GAREM1: variants seen among roughly 807,000 people sequenced by gnomAD.
GAREM1 encodes the protein GRB2-associated and regulator of MAPK protein 1.
A neutral mutation model predicts 71.3 loss-of-function variants in GAREM1; 26 were observed. The ratio of observed to expected loss-of-function variants is 0.36; its 90% CI spans 0.27 to 0.51. The LOEUF (loss-of-function observed/expected upper bound fraction) is 0.51, where lower values mean the gene tolerates loss of function less well. Ranked by LOEUF, GAREM1 falls within the 20% of genes least tolerant of loss-of-function variation. GAREM1 has a pLI of 0.95. For synonymous variants in GAREM1, 440 were observed against 433.2 expected, an observed-to-expected ratio of 1.02 and a Z score of -0.20; for missense variants, 1,026 against 1,103.1, an observed-to-expected ratio of 0.93 and a Z score of 0.99.
intron 1 of GAREM1, among the ~76,000 whole-genome samples, chr18:32,441,135 A>G (rs1161871905): frequency 6.6e-6 from 1 of 152,224 alleles, no homozygotes; most frequent in Non-Finnish European, 1.5e-5. Context: ...TCTAGTTCCT[A>G]TGTTTTGAGA....
intron 2 of GAREM1, among the ~76,000 whole-genome samples, chr18:32,364,010 A>G (rs1327402098): frequency 8.8e-4 from 42 of 47,956 alleles, no homozygotes; most frequent in Non-Finnish European, 1.1e-3. Flanking sequence ...ATATATATAT[A>G]TATATATATA....
At chr18:32,358,390 G>A (rs1316249889) in intron 2 of GAREM1, among the ~76,000 whole-genome samples, 1 of 151,962 alleles carries the variant, frequency 6.6e-6, no homozygotes, top group Non-Finnish European at 1.5e-5. Flanking sequence ...TTCTCTCTGT[G>A]TACTCATTCA....
intron 3 of GAREM1, among the ~76,000 whole-genome samples, chr18:32,304,300 C>G (rs946399813): frequency 2.0e-5 from 3 of 151,294 alleles, no homozygotes; most frequent in Non-Finnish European, 4.4e-5. Flanking sequence ...GAGCGAGACT[C>G]TGTCTCAAAA....
chr18:32,363,432 T>C (rs1443890218), intron 2 of GAREM1, among the ~76,000 whole-genome samples: 1 of 152,214 alleles, frequency 6.6e-6, no homozygotes, highest in African/African-American at 2.4e-5. Flanking sequence ...GCTTAAATTC[T>C]TGATGATATC....
At chr18:32,364,231 G>A (rs1162292289) in intron 2 of GAREM1, among the ~76,000 whole-genome samples, 2 of 150,242 alleles carry the variant, frequency 1.3e-5, no homozygotes, top group Non-Finnish European at 3.0e-5. Flanking sequence ...GATGGGGTTT[G>A]ACCATGTTGG....
intron 2 of GAREM1, among the ~76,000 whole-genome samples, chr18:32,341,975 A>T (rs2047651923): frequency 6.6e-6 from 1 of 152,060 alleles, no homozygotes; most frequent in Non-Finnish European, 1.5e-5. Context: ...AGGATGACAA[A>T]GTGAGGTGGA....
At chr18:32,294,869 T>C (rs1187107147) in intron 3 of GAREM1, among the ~76,000 whole-genome samples, 1 of 152,162 alleles carries the variant, frequency 6.6e-6, no homozygotes, top group Non-Finnish European at 1.5e-5. Context: ...ATTTTAGTGT[T>C]TCAGATTTTA....
intron 2 of GAREM1, among the ~76,000 whole-genome samples, chr18:32,359,322 T>C (rs1567978327): frequency 6.6e-6 from 1 of 152,184 alleles, no homozygotes; most frequent in African/African-American, 2.4e-5. Flanking sequence ...TATGAATGAC[T>C]TGTATATCTT....
chr18:32,385,235 G>A (rs2048134844), intron 2 of GAREM1, among the ~76,000 whole-genome samples: 1 of 150,698 alleles, frequency 6.6e-6, no homozygotes, highest in African/African-American at 2.4e-5. Context: ...CAAATCAAAT[G>A]TCACTGGTTT....
intron 2 of GAREM1, among the ~76,000 whole-genome samples, chr18:32,358,928 G>A (rs76991806): frequency 1.2e-4 from 19 of 152,224 alleles, no homozygotes; most frequent in Non-Finnish European, 1.6e-4. Flanking sequence ...TCAAAACGGC[G>A]ACAGCAGAGT....
At chr18:32,457,850 T>G (rs1325261955) in intron 1 of GAREM1, among the ~76,000 whole-genome samples, 3 of 152,188 alleles carry the variant, frequency 2.0e-5, no homozygotes, top group Non-Finnish European at 4.4e-5. Context: ...GTTGGTGATA[T>G]GTACTTTATT....
At chr18:32,445,830 T>C (rs2048781119) in intron 1 of GAREM1, among the ~76,000 whole-genome samples, 1 of 152,142 alleles carries the variant, frequency 6.6e-6, no homozygotes, top group South Asian at 2.1e-4. Flanking sequence ...ATCAAGCCAT[T>C]TGGTATTAAA....
At chr18:32,467,763 AT>A in intron 1 of GAREM1, among the ~76,000 whole-genome samples, 1 of 152,182 alleles carries the variant, frequency 6.6e-6, no homozygotes, top group Non-Finnish European at 1.5e-5. Context: ...ATGTCTAAGT[AT>A]AGGGTGGGCG....
chr18:32,406,710 A>T (rs978058806), intron 1 of GAREM1, among the ~76,000 whole-genome samples: 1 of 152,230 alleles, frequency 6.6e-6, no homozygotes, highest in Admixed American at 6.5e-5. Context: ...GGTTACAGGA[A>T]ATCACTGAAG....
At chr18:32,348,174 A>T (rs1047773305) in intron 2 of GAREM1, among the ~76,000 whole-genome samples, 1 of 152,212 alleles carries the variant, frequency 6.6e-6, no homozygotes, top group Non-Finnish European at 1.5e-5. Context: ...TAAAATTCAC[A>T]ATGATTTGAG....
chr18:32,283,742 T>C (rs1217427051), intron 4 of GAREM1, among the ~76,000 whole-genome samples: 1 of 152,086 alleles, frequency 6.6e-6, no homozygotes, highest in Non-Finnish European at 1.5e-5. Context: ...CCCCCAAGGA[T>C]TTTCTGGTTG....
intron 1 of GAREM1, among the ~76,000 whole-genome samples, chr18:32,396,807 G>A (rs2048261987): frequency 6.6e-6 from 1 of 152,010 alleles, no homozygotes; most frequent in Admixed American, 6.6e-5. Context: ...TACAGAGAAT[G>A]CCACAAAGAT....
At chr18:32,424,640 T>G (rs1039675514) in intron 1 of GAREM1, among the ~76,000 whole-genome samples, 1 of 152,186 alleles carries the variant, frequency 6.6e-6, no homozygotes, top group Non-Finnish European at 1.5e-5. Flanking sequence ...CTGTATATAT[T>G]TGGAACCAGA....
intron 2 of GAREM1, among the ~76,000 whole-genome samples, chr18:32,316,670 T>C (rs748239461): frequency 9.2e-5 from 14 of 152,162 alleles, no homozygotes; most frequent in Non-Finnish European, 1.9e-4. Context: ...AGTCTCAAAC[T>C]TGTGAGCCTA....
Sources: allele counts gnomAD v4.1 joint callset (sites outside exome capture counted in the v4.1 genomes callset), GRCh38; gene constraint gnomAD v4.1.1; transcripts MANE v1.5; gene names NCBI Gene and HGNC (gene_info 2026-07-23, HGNC 2026-07-21).